Variants in GRIN3A observed in about 807,000 individuals in gnomAD.
The protein encoded by GRIN3A is glutamate receptor ionotropic, NMDA 3A.
Under a neutral mutation model 92.4 loss-of-function variants are expected in GRIN3A, and 47 were observed. That is an observed-to-expected ratio of 0.51 (90% CI 0.40 to 0.65). The LOEUF (loss-of-function observed/expected upper bound fraction) is 0.65. Ranked by LOEUF, GRIN3A falls within the 30% of genes least tolerant of loss-of-function variation. GRIN3A has a pLI of 0.00. For synonymous variants in GRIN3A, 527 were observed against 540.6 expected (o/e 0.97, Z 0.35); for missense variants, 1,324 against 1,393.1 (o/e 0.95, Z 0.79).
At chr9:101,708,226 T>C (rs1255441001) in intron 1 of GRIN3A, among the ~76,000 whole-genome samples, 1 of 152,172 alleles carries the variant, frequency 6.6e-6, no homozygotes, top group African/African-American at 2.4e-5. Context: ...AAGTAACTAA[T>C]GTGATCTTGA....
intron 6 of GRIN3A, among the ~76,000 whole-genome samples, chr9:101,583,601 T>A (rs530390084): frequency 6.6e-6 from 1 of 152,302 alleles, no homozygotes; most frequent in African/African-American, 2.4e-5. Context: ...ACTCAGGTGA[T>A]GCAGACAAAA....
At chr9:101,636,905 A>G (rs1828792047) in intron 3 of GRIN3A, among the ~76,000 whole-genome samples, 3 of 152,180 alleles carry the variant, frequency 2.0e-5, no homozygotes, top group Admixed American at 2.0e-4. Context: ...TCTGTGTCCT[A>G]TTCATTCATA....
intron 1 of GRIN3A, among the ~76,000 whole-genome samples, chr9:101,733,565 T>C (rs1046567140): frequency 2.0e-5 from 3 of 152,156 alleles, no homozygotes; most frequent in Non-Finnish European, 2.9e-5. Context: ...ATAGAGCAAG[T>C]CAAAGAAAAC....
At chr9:101,655,883 G>A (rs1307182376) in intron 3 of GRIN3A, among the ~76,000 whole-genome samples, 1 of 151,974 alleles carries the variant, frequency 6.6e-6, no homozygotes, top group African/African-American at 2.4e-5. Flanking sequence ...TAAAAGACTT[G>A]TATTTTCAGT....
intron 1 of GRIN3A, among the ~76,000 whole-genome samples, chr9:101,721,406 A>G (rs1022003016): frequency 2.6e-5 from 4 of 152,234 alleles, no homozygotes; most frequent in Non-Finnish European, 5.9e-5. Flanking sequence ...CCTAATCAGC[A>G]GCATGAAAAC....
Position 101,572,931 on chromosome 9 carries a change from C to G in GRIN3A, c.*243G>C. The G allele has an allele frequency of 1.9e-6, 1 of 528,110 alleles. No homozygotes were observed. Among genetic ancestry groups the G allele is most frequent in the Non-Finnish European group, 3.4e-6 (1 of 291,392 alleles). The allele number at this position is 528,110 out of a possible 1,614,324, so 32.7% of individuals were successfully genotyped here. A position where few individuals can be genotyped will look rare whatever the true frequency, so the allele number is the denominator to read the frequency against. ...GTTATCTGGTTATTCACAGATCTCTCGCACAGAGCTTACTCCTGACTAAGA... is the reference window on the plus strand; with the variant it reads ...GTTATCTGGTTATTCACAGATCTCTGGCACAGAGCTTACTCCTGACTAAGA... On this transcript the variant is annotated 3_prime_UTR_variant, in exon 9 of 9. Coordinates refer to ENST00000361820, the MANE Select transcript of GRIN3A (RefSeq NM_133445.3).
rs1324647692 is a variant in GRIN3A, at chr9:101,628,269, C to T, written c.2485G>A (p.Val829Met). Residue 829 changes from valine (V) to methionine (M), a missense_variant, in exon 4 of 9, where the codon GTG (valine) becomes ATG (methionine). Val to Met is a conservative substitution (Grantham distance 21). Transcript: ENST00000361820. ...GTTGACACTCACTTCAGATACTCCACTCCATCAGGGGTGGCTGGAACATTG... is the reference window on the plus strand; with the variant it reads ...GTTGACACTCACTTCAGATACTCCATTCCATCAGGGGTGGCTGGAACATTG... ...RYNVPATPDGVEYLKNDPEKL... is the reference protein window; with the variant it reads ...RYNVPATPDGMEYLKNDPEKL... The T allele has an allele frequency of 3.7e-6, 6 of 1,613,850 alleles. No homozygotes were observed. The highest frequency in any genetic ancestry group is 5.1e-6 in the Non-Finnish European group (6 of 1,179,912).
At chr9:101,717,830 T>C (rs565350123) in intron 1 of GRIN3A, among the ~76,000 whole-genome samples, 6 of 152,352 alleles carry the variant, frequency 3.9e-5, no homozygotes, top group Non-Finnish European at 8.8e-5. Flanking sequence ...CTGTGGCAAA[T>C]TGGAAATGAT....
intron 4 of GRIN3A, among the ~76,000 whole-genome samples, 187 bp from the exon 5 acceptor site, chr9:101,623,620 C>G (rs1041644670): frequency 6.6e-6 from 1 of 152,210 alleles, no homozygotes; most frequent in Admixed American, 6.5e-5. Context: ...GGGAGACAGG[C>G]ACTCTTATAA....
intron 1 of GRIN3A, among the ~76,000 whole-genome samples, chr9:101,715,216 A>AAG (rs1554724032): frequency 2.6e-5 from 4 of 151,602 alleles, no homozygotes; most frequent in Non-Finnish European, 4.4e-5. Flanking sequence ...AAAAAAAAAA[A>AAG]AAAGAAAATG....
intron 3 of GRIN3A, among the ~76,000 whole-genome samples, chr9:101,664,832 A>G (rs539876729): frequency 6.6e-6 from 1 of 152,114 alleles, no homozygotes; most frequent in South Asian, 2.1e-4. Context: ...CCAGCATTCT[A>G]AACAATTAGG....
intron 6 of GRIN3A, among the ~76,000 whole-genome samples, chr9:101,607,352 AT>A (rs1344459753): frequency 6.6e-6 from 1 of 152,074 alleles, no homozygotes; most frequent in Non-Finnish European, 1.5e-5. Flanking sequence ...CTAAACTAGA[AT>A]TTTTTTCAGA....
At position 101,582,298 on chromosome 9, in the gene GRIN3A, C is replaced by T. The variant is rs551605050; in HGVS notation, c.2767-2938G>A. ...GAGCCTAGCTCAGGAAATCTCTTTC[C>T]CTCCATGCCAGTACTGCAGGCTGTG... On this transcript the variant is annotated intron_variant, in intron 6 of 8. Coordinates refer to ENST00000361820, the MANE Select transcript of GRIN3A (RefSeq NM_133445.3). Among the ~76,000 whole-genome samples the T allele has an allele frequency of 2.6e-5, 4 of 152,258 alleles. No individual in the cohort carries two copies. The South Asian group carries it at 6.2e-4, about 24-fold the overall frequency.
intron 3 of GRIN3A, among the ~76,000 whole-genome samples, chr9:101,650,170 G>A (rs927122338): frequency 3.3e-5 from 5 of 152,004 alleles, no homozygotes; most frequent in Non-Finnish European, 7.4e-5. Flanking sequence ...AGGAGGAATT[G>A]TTTTGTTCTT....
chr9:101,732,350 T>C (rs1830149422), intron 1 of GRIN3A, among the ~76,000 whole-genome samples: 1 of 152,150 alleles, frequency 6.6e-6, no homozygotes, highest in Non-Finnish European at 1.5e-5. Flanking sequence ...AGTTTGCCTA[T>C]AGAAAAAACT....
intron 5 of GRIN3A, among the ~76,000 whole-genome samples, chr9:101,614,732 G>A (rs1020281971): frequency 2.8e-5 from 4 of 141,108 alleles, no homozygotes; most frequent in South Asian, 4.7e-4. Context: ...TGATCCTCCC[G>A]GCTCAGCCCC....
rs1830245223 is a variant in GRIN3A at position 101,738,230 on chromosome 9, A to C, written c.-251T>G. 1.9e-6 allele frequency: 1 copy of C among 537,150 alleles called. No individual in the cohort carries two copies. The highest frequency in any genetic ancestry group is 3.3e-5 in the East Asian group (1 of 30,020). 33.3% of individuals were successfully genotyped at this position (537,150 alleles called of 1,614,324 possible). ...CGCCCGGTCACTGCGCTGAGCAGGC[A>C]GGCGGGCGGGCCGGCGCCTGTCACC... On this transcript the variant is annotated 5_prime_UTR_variant, in exon 1 of 9. Coordinates refer to ENST00000361820, the MANE Select transcript of GRIN3A (RefSeq NM_133445.3).
At chr9:101,735,449 T>G (rs1293106524) in intron 1 of GRIN3A, among the ~76,000 whole-genome samples, 1 of 151,604 alleles carries the variant, frequency 6.6e-6, no homozygotes, top group Non-Finnish European at 1.5e-5. Context: ...TGGATTCTGC[T>G]TCATGGTTTT....
intron 2 of GRIN3A, among the ~76,000 whole-genome samples, chr9:101,682,926 G>A (rs1237223328): frequency 6.6e-6 from 1 of 152,234 alleles, no homozygotes; most frequent in South Asian, 2.1e-4. Flanking sequence ...AGCTTGCAGT[G>A]AGCCGAGATT....
Sources: allele counts gnomAD v4.1 joint callset (sites outside exome capture counted in the v4.1 genomes callset), GRCh38; gene constraint gnomAD v4.1.1; transcripts MANE v1.5; gene names NCBI Gene and HGNC (gene_info 2026-07-23, HGNC 2026-07-21).